Variants in SLC25A25 observed in about 807,000 individuals in gnomAD.
SLC25A25 encodes the protein solute carrier family 25 member 25, also known as mitochondrial adenyl nucleotide antiporter SLC25A25.
SLC25A25 carries 32 observed loss-of-function variants against 57.7 expected under a neutral mutation model. The ratio of observed to expected loss-of-function variants is 0.55; its 90% confidence interval spans 0.42 to 0.74. The LOEUF (loss-of-function observed/expected upper bound fraction) is 0.74, where lower values mean the gene tolerates loss of function less well. Among genes scored for constraint, SLC25A25 ranks in the 30% least tolerant of loss-of-function variants. The pLI, the probability that SLC25A25 is intolerant of heterozygous loss-of-function variation, is 0.00. For missense variants in SLC25A25, 556 were observed against 701.3 expected (o/e 0.79, Z 2.34); for synonymous variants, 306 against 291.2 (o/e 1.05, Z -0.52).
rs1389512146 is a variant in SLC25A25, at chr9:128,103,598, C to T, written c.625-83C>T. The T allele has an allele frequency of 7.0e-6, 11 of 1,576,404 alleles. No homozygotes were observed. The highest frequency in any genetic ancestry group is 4.5e-5 in the East Asian group (2 of 44,648). On this transcript the variant is annotated intron_variant, in intron 5 of 10. Coordinates refer to ENST00000373069, the MANE Select transcript of SLC25A25 (RefSeq NM_001330988.2). This position sits in a 1 kb window ranked among gnomAD's most constrained non-coding sequence, Gnocchi z 6.7. ...TGTCCTGTGGTCCCTGGCCTGGAGC[C>T]GTGCTAGAGGGTAGACGGCGACAGG...
Position 128,068,344 on chromosome 9 carries a change from T to C in SLC25A25, c.25T>C (p.Cys9Arg). The change falls in exon 1 of 11, where the codon TGT (cysteine) becomes CGT (arginine). Residue 9 changes from cysteine (C) to arginine (R), a missense_variant. Physicochemically the swap from Cys to Arg is radical, Grantham distance 180 (BLOSUM62 -3). This residue lies in a region of SLC25A25 where 248 missense variants were observed against 273.5 expected (regional missense o/e 0.91). Coordinates refer to ENST00000373069, the MANE Select transcript of SLC25A25 (RefSeq NM_001330988.2). MVSSVLCR[C>R]VASPPPDAAA... ...GATGGTGAGCAGTGTGTTGTGCCGC[T>C]GTGTGGCCTCCCCGCCGCCGGACGC... The C allele has an allele frequency of 6.5e-7, 1 of 1,534,886 alleles. No homozygotes were observed.
intron 9 of SLC25A25, 89 bp downstream of exon 9, chr9:128,106,609 A>T (rs1373176355): frequency 7.0e-7 from 1 of 1,436,590 alleles, no homozygotes; most frequent in Non-Finnish European, 9.3e-7. Context: ...TGGTTAGTGC[A>T]GGAAACTGCA....
chr9:128,098,571 T>C (rs564787611), intron 1 of SLC25A25: 1 of 1,611,484 alleles, frequency 6.2e-7, no homozygotes, highest in African/African-American at 1.3e-5. Flanking sequence ...GCCAACATGC[T>C]CTGTCTGTGC....
Position 128,106,199 on chromosome 9 carries a change from G to A in SLC25A25, c.986G>A (p.Arg329Lys), listed in dbSNP as rs1429848571. The A allele has an allele frequency of 1.2e-6, 2 of 1,614,262 alleles. No homozygotes were observed. The highest frequency in any genetic ancestry group is 2.2e-5 in the South Asian group (2 of 91,088). The change falls in exon 8 of 11, where the codon AGG becomes AAG. Residue 329 changes from arginine (R) to lysine (K), a missense_variant. Transcript: ENST00000373069. Reference sequence around the variant, plus strand: ...CAGGAGACTCTGAGGATTCACGAGAGGCTTGTGGCAGGGTCCTTGGCAGGG... The same window carrying A: ...CAGGAGACTCTGAGGATTCACGAGAAGCTTGTGGCAGGGTCCTTGGCAGGG... Reference protein sequence around the residue: ...SDQETLRIHERLVAGSLAGAI... With the variant: ...SDQETLRIHEKLVAGSLAGAI...
intron 1 of SLC25A25, among the ~76,000 whole-genome samples, chr9:128,077,142 TG>T (rs1441949987): frequency 6.6e-6 from 1 of 152,228 alleles, no homozygotes; most frequent in Non-Finnish European, 1.5e-5. Flanking sequence ...TCAGGTGACG[TG>T]CTGTCCATAC....
At chr9:128,085,080 A>G (rs1833246370) in intron 1 of SLC25A25, among the ~76,000 whole-genome samples, 1 of 152,222 alleles carries the variant, frequency 6.6e-6, no homozygotes, top group African/African-American at 2.4e-5. Flanking sequence ...CTGTAATCCC[A>G]GTACTTTGGG....
chr9:128,106,020 C>T, intron 7 of SLC25A25, 130 bp from the exon 8 acceptor site: 1 of 1,523,538 alleles, frequency 6.6e-7, no homozygotes. Context: ...GGCAGGAGGC[C>T]CAGGCTCACC....
At chr9:128,091,440 T>C (rs1374984900) in intron 1 of SLC25A25, 1 of 985,752 alleles carries the variant, frequency 1.0e-6, no homozygotes, top group East Asian at 1.1e-4. Context: ...GACTGGATGC[T>C]CGGGTCCTCG....
chr9:128,076,899 G>A (rs10125888), intron 1 of SLC25A25, among the ~76,000 whole-genome samples: 2 of 151,872 alleles, frequency 1.3e-5, no homozygotes, highest in East Asian at 3.9e-4. Context: ...TAAGCTCTCC[G>A]GAAGCATCCT....
intron 1 of SLC25A25, among the ~76,000 whole-genome samples, chr9:128,076,830 G>A (rs1833026512): frequency 6.6e-6 from 1 of 152,148 alleles, no homozygotes; most frequent in Non-Finnish European, 1.5e-5. Flanking sequence ...ATAGAATTTA[G>A]TCTTGGATGG....
At chr9:128,092,768 A>G (rs1331907769) in intron 1 of SLC25A25, among the ~76,000 whole-genome samples, 1 of 152,152 alleles carries the variant, frequency 6.6e-6, no homozygotes, top group Non-Finnish European at 1.5e-5. Context: ...AGATGAAGAA[A>G]CTGAGGTGCA....
chr9:128,102,355 G>A lies in SLC25A25; in HGVS notation c.513-15G>A, dbSNP rs371807427. The A allele has an allele frequency of 3.1e-6, 5 of 1,607,434 alleles. No individual in the cohort carries two copies. Among genetic ancestry groups the A allele is most frequent in the South Asian group, 2.2e-5 (2 of 90,926 alleles). Reference sequence around the variant, plus strand: ...GGCATGTGGGCACGTGGGCAGCCTCGCCTCTGTCTTGCAGCATGGATAAAA... The same window carrying A: ...GGCATGTGGGCACGTGGGCAGCCTCACCTCTGTCTTGCAGCATGGATAAAA... On this transcript the variant is annotated splice_polypyrimidine_tract_variant and intron_variant, in intron 4 of 10. Coordinates refer to ENST00000373069, the MANE Select transcript of SLC25A25 (RefSeq NM_001330988.2). This position sits in a 1 kb window ranked among gnomAD's most constrained non-coding sequence, Gnocchi z 4.1.
At chr9:128,092,813 T>A (rs1833448317) in intron 1 of SLC25A25, among the ~76,000 whole-genome samples, 1 of 152,164 alleles carries the variant, frequency 6.6e-6, no homozygotes, top group African/African-American at 2.4e-5. Flanking sequence ...GTTAAACAAC[T>A]AAAGAGAGGT....
intron 1 of SLC25A25, chr9:128,091,552 T>G: frequency 1.0e-6 from 1 of 995,870 alleles, no homozygotes; most frequent in Non-Finnish European, 1.2e-6. Context: ...TTTTCTTTTT[T>G]TTTTTTTTTA....
Position 128,068,487 on chromosome 9 carries a change from G to T in SLC25A25, c.168G>T (p.Thr56=). 6.6e-7 allele frequency: 1 copy of T among 1,515,612 alleles called. No homozygotes were observed. The highest frequency in any genetic ancestry group is 8.8e-7 in the Non-Finnish European group (1 of 1,137,838). 93.9% of individuals were successfully genotyped at this position (1,515,612 alleles called of 1,614,324 possible). A position where few individuals can be genotyped will look rare whatever the true frequency, so the allele number is the denominator to read the frequency against. Residue 56 remains threonine, a synonymous_variant, in exon 1 of 11, where the codon ACG becomes ACT. Transcript: ENST00000373069. ...HRLRLWRLFQ[T]LDVNRDGGLC... ...TGCGCCTGTGGAGACTCTTTCAGAC[G>T]CTCGACGTCAACCGGGACGGCGGCC...
chr9:128,087,296 G>A lies in SLC25A25; in HGVS notation c.262-13800G>A, dbSNP rs187066297. ...TTTTGAGACGGAGTCTCACTCTGTC[G>A]CCCAGTCTGGAGTGCGGTGCAGTGA... On this transcript the variant is annotated intron_variant, in intron 1 of 10. Transcript: ENST00000373069. Among the ~76,000 whole-genome samples, 10 of 152,088 alleles carry A rather than the reference G, an allele frequency of 6.6e-5. No homozygotes were observed. In the East Asian group the frequency reaches 1.6e-3, roughly 24 times the overall value.
intron 1 of SLC25A25, among the ~76,000 whole-genome samples, chr9:128,081,566 C>T (rs1032196243): frequency 6.6e-6 from 1 of 152,008 alleles, no homozygotes; most frequent in African/African-American, 2.4e-5. Context: ...CATATTCACC[C>T]CCTGCTCCTT....
chr9:128,096,801 C>A (rs528300910), intron 1 of SLC25A25, among the ~76,000 whole-genome samples: 2 of 152,272 alleles, frequency 1.3e-5, no homozygotes, highest in South Asian at 4.1e-4. Flanking sequence ...TTAAAATAGC[C>A]CAAGGCAGAA....
At chr9:128,092,139 C>G in intron 1 of SLC25A25, 1 of 1,570,100 alleles carries the variant, frequency 6.4e-7, no homozygotes, top group South Asian at 1.2e-5. Flanking sequence ...GGTCTGGGAT[C>G]ATTTTCCTGG....
Sources: allele counts gnomAD v4.1 joint callset (sites outside exome capture counted in the v4.1 genomes callset), GRCh38; gene constraint gnomAD v4.1.1; regional missense constraint gnomAD v4.1.1; non-coding constraint Gnocchi (gnomAD v3.1); transcripts MANE v1.5; gene names NCBI Gene and HGNC (gene_info 2026-07-23, HGNC 2026-07-21).